SPATA6: variants seen among roughly 807,000 people sequenced by gnomAD.
SPATA6 encodes spermatogenesis associated 6, also known as spermatogenesis-associated protein 6.
A neutral mutation model predicts 65.3 loss-of-function variants in SPATA6; 56 were observed. The observed-to-expected ratio is 0.86, with a 90% CI of 0.69 to 1.07. The LOEUF is 1.07. Among genes scored for constraint, SPATA6 ranks in the 50% least tolerant of loss-of-function variants. The pLI is 0.00. For synonymous variants in SPATA6, 199 were observed against 213.2 expected, an observed-to-expected ratio of 0.93 and a Z score of 0.58; for missense variants, 590 against 594.8, an observed-to-expected ratio of 0.99 and a Z score of 0.08.
At chr1:48,440,329 G>C (rs1655342234) in intron 3 of SPATA6, among the ~76,000 whole-genome samples, 1 of 152,142 alleles carries the variant, frequency 6.6e-6, no homozygotes, top group African/African-American at 2.4e-5. Flanking sequence ...CAGGGTCTAG[G>C]GCAAACCTTC....
chr1:48,405,979 G>A (rs1190344101), intron 5 of SPATA6, among the ~76,000 whole-genome samples: 2 of 151,982 alleles, frequency 1.3e-5, no homozygotes, highest in Non-Finnish European at 2.9e-5. Context: ...ATAAAATCCT[G>A]GTATAGATAG....
chr1:48,359,602 C>A lies in SPATA6; in HGVS notation c.1078G>T (p.Ala360Ser), dbSNP rs745833425. ...CATAATTACCTTTCCCTGAGAGAAG[C>A]TCTATTTAACACAGGGCTTGGAGAA... ...KHSPSPVLNR[A>S]SLRERFHSDW... Residue 360 changes from alanine (A) to serine (S), a missense_variant, in exon 10 of 13, where the codon GCT becomes TCT. Physicochemically the swap from Ala to Ser is moderately conservative, Grantham distance 99 (BLOSUM62 1). Coordinates refer to ENST00000371847, the MANE Select transcript of SPATA6 (RefSeq NM_019073.4). 5.6e-6 allele frequency: 9 copies of A among 1,612,678 alleles called. No homozygotes were observed. The Admixed American group carries it at 1.5e-4, about 27-fold the overall frequency.
At chr1:48,392,836 G>A (rs1239063000) in intron 8 of SPATA6, among the ~76,000 whole-genome samples, 2 of 151,912 alleles carry the variant, frequency 1.3e-5, no homozygotes, top group Non-Finnish European at 2.9e-5. Context: ...CCTACCATAA[G>A]AAATTCCCAT....
intron 11 of SPATA6, chr1:48,355,444 A>G (rs1557602865): frequency 2.7e-6 from 1 of 375,886 alleles, no homozygotes; most frequent in African/African-American, 2.1e-5. Context: ...TATCACTAAC[A>G]TTGTTTATAG....
intron 11 of SPATA6, 114 bp downstream of exon 11, chr1:48,355,556 T>C: frequency 1.5e-6 from 1 of 688,272 alleles, no homozygotes. Flanking sequence ...CAAATGGAGC[T>C]TGCTTGCTTT....
At chr1:48,450,694 A>C (rs1656482996) in intron 3 of SPATA6, among the ~76,000 whole-genome samples, 1 of 152,206 alleles carries the variant, frequency 6.6e-6, no homozygotes, top group Non-Finnish European at 1.5e-5. Flanking sequence ...TTTGGAGAAG[A>C]GTCACTAAAC....
intron 1 of SPATA6, among the ~76,000 whole-genome samples, chr1:48,459,583 T>A (rs2148181369): frequency 6.6e-6 from 1 of 152,220 alleles, no homozygotes; most frequent in East Asian, 1.9e-4. Context: ...ATAGAAGATA[T>A]AAGCAATATT....
intron 11 of SPATA6, among the ~76,000 whole-genome samples, chr1:48,349,507 T>C (rs185418500): frequency 1.5e-3 from 223 of 152,112 alleles, no homozygotes; most frequent in African/African-American, 5.1e-3. Context: ...CATGCTTTTT[T>C]CTTTTAATTT....
chr1:48,438,523 G>C (rs920895358), intron 3 of SPATA6, among the ~76,000 whole-genome samples: 1 of 152,152 alleles, frequency 6.6e-6, no homozygotes, highest in Non-Finnish European at 1.5e-5. Context: ...TGTACTTCCA[G>C]GCTGAGCCGA....
chr1:48,431,659 A>C (rs1320801120), intron 3 of SPATA6, among the ~76,000 whole-genome samples: 2 of 152,220 alleles, frequency 1.3e-5, no homozygotes, highest in Non-Finnish European at 2.9e-5. Flanking sequence ...AAATAAAACA[A>C]CACACTCTTA....
chr1:48,373,346 T>C (rs1557632573), intron 9 of SPATA6, among the ~76,000 whole-genome samples: 1 of 152,224 alleles, frequency 6.6e-6, no homozygotes, highest in Non-Finnish European at 1.5e-5. Flanking sequence ...AAGAGTCACC[T>C]TTATTCCAGT....
At chr1:48,300,956 T>TA (rs1439664107) in intron 12 of SPATA6, among the ~76,000 whole-genome samples, 1 of 152,156 alleles carries the variant, frequency 6.6e-6, no homozygotes, top group East Asian at 1.9e-4. Flanking sequence ...GCTAATATTA[T>TA]ACTGAATGGG....
the SPATA6 span, among the ~76,000 whole-genome samples, chr1:48,277,536 T>A: frequency 0.013 from 1,933 of 152,304 alleles, 49 homozygotes; most frequent in African/African-American, 0.044. Context: ...TATCCCGCAC[T>A]TGGCTCGGAG....
At chr1:48,465,783 A>C (rs1320837069) in intron 1 of SPATA6, among the ~76,000 whole-genome samples, 1 of 152,126 alleles carries the variant, frequency 6.6e-6, no homozygotes, top group Non-Finnish European at 1.5e-5. Flanking sequence ...TTTCCAAAAA[A>C]AGTAAACTCT....
intron 11 of SPATA6, among the ~76,000 whole-genome samples, chr1:48,331,618 T>A (rs1304192069): frequency 6.6e-6 from 1 of 152,092 alleles, no homozygotes; most frequent in Non-Finnish European, 1.5e-5. Flanking sequence ...CTGAAAGACA[T>A]GAGGAGAAAG....
rs114912563 is a variant in SPATA6, at chr1:48,464,391, A to G, written c.51+7567T>C. Among the ~76,000 whole-genome samples, 1,307 of 152,346 alleles carry G rather than the reference A, an allele frequency of 8.6e-3. 22 individuals carry two copies. Among genetic ancestry groups the G allele is most frequent in the African/African-American group, 0.03 (1,266 of 41,572 alleles). On this transcript the variant is annotated intron_variant, in intron 1 of 12. Coordinates refer to ENST00000371847, the MANE Select transcript of SPATA6 (RefSeq NM_019073.4). ...ATTTTCAAACAACGTCATTTTCCAC[A>G]TAAAAAATACAACTATTGAAATAAT...
chr1:48,339,831 T>C (rs892812286), intron 11 of SPATA6, among the ~76,000 whole-genome samples: 4 of 151,926 alleles, frequency 2.6e-5, no homozygotes, highest in Non-Finnish European at 5.9e-5. Context: ...AAATAATAGT[T>C]AATAAGACAT....
Position 48,395,259 on chromosome 1 carries a change from T to C in SPATA6, c.868+8A>G. 4.6e-6 allele frequency: 7 copies of C among 1,536,386 alleles called. No homozygotes were observed. The highest frequency in any genetic ancestry group is 6.1e-6 in the Non-Finnish European group (7 of 1,139,676). ...TACAGCAATGAATAAAGACAACTTCTAGCTTACCATTGTGCACCCTTGACC... is the reference window on the plus strand; with the variant it reads ...TACAGCAATGAATAAAGACAACTTCCAGCTTACCATTGTGCACCCTTGACC... On this transcript the variant is annotated splice_region_variant and intron_variant, in intron 8 of 12. Coordinates refer to ENST00000371847, the MANE Select transcript of SPATA6 (RefSeq NM_019073.4).
intron 10 of SPATA6, among the ~76,000 whole-genome samples, chr1:48,357,873 C>T (rs1646702217): frequency 6.6e-6 from 1 of 152,022 alleles, no homozygotes. Flanking sequence ...ACCATGCCTG[C>T]CCCAGAGAGT....
Sources: gnomAD v4.1 joint callset for allele counts (sites outside exome capture counted in the v4.1 genomes callset) on GRCh38, gnomAD v4.1.1 for gene constraint, MANE v1.5 for transcripts, NCBI Gene and HGNC (gene_info 2026-07-23, HGNC 2026-07-21) for gene names.